TPST1: variants seen among roughly 807,000 people sequenced by gnomAD.
The protein encoded by TPST1 is protein-tyrosine sulfotransferase 1.
Under a neutral mutation model 34.8 loss-of-function variants are expected in TPST1, and 20 were observed. The ratio of observed to expected loss-of-function variants is 0.57; its 90% CI spans 0.40 to 0.84. TPST1 has a LOEUF of 0.84. TPST1 is among the 40% of genes least tolerant of loss of function. The pLI is 0.00. For synonymous variants in TPST1, 152 were observed against 159.4 expected (o/e 0.95, Z 0.35); for missense variants, 353 against 455.5 (o/e 0.78, Z 2.05).
intron 2 of TPST1, among the ~76,000 whole-genome samples, chr7:66,271,344 A>G (rs1790700808): frequency 6.6e-6 from 1 of 152,126 alleles, no homozygotes; most frequent in African/African-American, 2.4e-5. Context: ...ACGCCCGGCT[A>G]ATTTTTGTAT....
intron 1 of TPST1, among the ~76,000 whole-genome samples, chr7:66,209,637 G>A (rs1436106425): frequency 1.3e-5 from 2 of 152,074 alleles, no homozygotes; most frequent in African/African-American, 2.4e-5. Flanking sequence ...CAGGCTTCTG[G>A]TTATCTCTGC....
intron 3 of TPST1, among the ~76,000 whole-genome samples, chr7:66,327,025 A>G (rs1449548524): frequency 2.0e-5 from 3 of 152,210 alleles, no homozygotes; most frequent in Non-Finnish European, 1.5e-5. Context: ...TGTTTTAGAG[A>G]TAATGAGCAT....
At chr7:66,307,371 G>T (rs1156418636) in intron 3 of TPST1, among the ~76,000 whole-genome samples, 1 of 149,600 alleles carries the variant, frequency 6.7e-6, no homozygotes, top group Non-Finnish European at 1.5e-5. Flanking sequence ...GCCCGCCTCG[G>T]CCTCCCAAAG....
At chr7:66,268,600 T>C (rs994598564) in intron 2 of TPST1, among the ~76,000 whole-genome samples, 1 of 152,156 alleles carries the variant, frequency 6.6e-6, no homozygotes, top group African/African-American at 2.4e-5. Flanking sequence ...AATCAATTCT[T>C]TGGGATGGTC....
chr7:66,280,457 T>C (rs1790910390), intron 2 of TPST1, among the ~76,000 whole-genome samples: 1 of 152,242 alleles, frequency 6.6e-6, no homozygotes, highest in African/African-American at 2.4e-5. Flanking sequence ...GCTATTTTTG[T>C]ACAATGATTT....
chr7:66,279,271 T>C (rs1790884868), intron 2 of TPST1, among the ~76,000 whole-genome samples: 1 of 152,232 alleles, frequency 6.6e-6, no homozygotes, highest in African/African-American at 2.4e-5. Flanking sequence ...TTTCATTTTT[T>C]TATAGCTGTG....
At chr7:66,279,825 C>G (rs1790897295) in intron 2 of TPST1, among the ~76,000 whole-genome samples, 1 of 152,152 alleles carries the variant, frequency 6.6e-6, no homozygotes, top group Admixed American at 6.5e-5. Flanking sequence ...TAAATAGTAC[C>G]TTACAATCCT....
At chr7:66,352,929 T>C (rs914952131) in intron 4 of TPST1, 5 of 985,442 alleles carry the variant, frequency 5.1e-6, no homozygotes, top group Non-Finnish European at 6.0e-6. Flanking sequence ...CTCTGTGTAC[T>C]GTACATCCTT....
chr7:66,352,904 C>T, intron 4 of TPST1: 1 of 985,440 alleles, frequency 1.0e-6, no homozygotes, highest in Non-Finnish European at 1.2e-6. Flanking sequence ...TGTTCAGCGA[C>T]CCTCTCTGTT....
At chr7:66,325,445 A>C (rs1371487545) in intron 3 of TPST1, among the ~76,000 whole-genome samples, 1 of 151,956 alleles carries the variant, frequency 6.6e-6, no homozygotes, top group Non-Finnish European at 1.5e-5. Context: ...GTAATTAAGC[A>C]AAAGAGAATA....
At chr7:66,219,475 A>G (rs764280339) in intron 1 of TPST1, among the ~76,000 whole-genome samples, 1 of 152,170 alleles carries the variant, frequency 6.6e-6, no homozygotes, top group Non-Finnish European at 1.5e-5. Flanking sequence ...CCCAGATGAA[A>G]TCTTCAGGGA....
rs577967597 is a variant in TPST1 at position 66,314,006 on chromosome 7, A to G, written c.1044+27297A>G. 7.9e-5 allele frequency among the ~76,000 whole-genome samples: 12 copies of G among 152,114 alleles called. No homozygotes were observed. The South Asian group carries it at 2.5e-3, about 32-fold the overall frequency. On this transcript the variant is annotated intron_variant, in intron 3 of 5. Transcript: ENST00000304842. ...TTTTTTTGAAGAATGCTGGCAGGTTATTTTACAGTGTTCCTCATTCTGGGT... is the reference window on the plus strand; with the variant it reads ...TTTTTTTGAAGAATGCTGGCAGGTTGTTTTACAGTGTTCCTCATTCTGGGT...
chr7:66,295,257 G>A lies in TPST1; in HGVS notation c.1044+8548G>A, dbSNP rs186230415. 3.9e-5 allele frequency among the ~76,000 whole-genome samples: 6 copies of A among 152,306 alleles called. No homozygotes were observed. In the East Asian group the frequency reaches 1.2e-3, roughly 29 times the overall value. ...CGCCTGTAATCCCAGCATTTTGGGA[G>A]GCTGAGGTGGGTGGATCACTTGAGC... On this transcript the variant is annotated intron_variant, in intron 3 of 5. Transcript: ENST00000304842.
intron 2 of TPST1, among the ~76,000 whole-genome samples, chr7:66,283,829 A>G (rs944737588): frequency 3.3e-5 from 5 of 152,100 alleles, no homozygotes; most frequent in African/African-American, 4.8e-5. Context: ...TTATGATGCT[A>G]TGTATTATGT....
At chr7:66,270,975 C>A (rs1299676979) in intron 2 of TPST1, among the ~76,000 whole-genome samples, 1 of 152,130 alleles carries the variant, frequency 6.6e-6, no homozygotes, top group African/African-American at 2.4e-5. Flanking sequence ...ATATCCTTGC[C>A]TCTATATTTT....
chr7:66,356,281 T>C (rs957344667), intron 4 of TPST1, among the ~76,000 whole-genome samples: 1 of 152,230 alleles, frequency 6.6e-6, no homozygotes, highest in Non-Finnish European at 1.5e-5. Context: ...AGGAGGGTCC[T>C]GAATGCAGAG....
chr7:66,355,639 C>T (rs1018069521), intron 4 of TPST1, among the ~76,000 whole-genome samples: 1 of 151,820 alleles, frequency 6.6e-6, no homozygotes, highest in Admixed American at 6.6e-5. Context: ...GTGGCTCCCA[C>T]CTGTAATCCC....
At chr7:66,283,005 A>G (rs1584205686) in intron 2 of TPST1, among the ~76,000 whole-genome samples, 1 of 152,304 alleles carries the variant, frequency 6.6e-6, no homozygotes, top group African/African-American at 2.4e-5. Flanking sequence ...ACGGTGGCTC[A>G]TGCCTGTAGT....
chr7:66,286,466 T>C (rs1418548994), intron 2 of TPST1, 45 bp from the exon 3 acceptor site: 1 of 1,375,226 alleles, frequency 7.3e-7, no homozygotes, highest in East Asian at 2.8e-5. Flanking sequence ...CATGATTTTC[T>C]AAAAAATTTT....
Sources: gnomAD v4.1 joint callset for allele counts (sites outside exome capture counted in the v4.1 genomes callset) on GRCh38, gnomAD v4.1.1 for gene constraint, MANE v1.5 for transcripts, NCBI Gene and HGNC (gene_info 2026-07-23, HGNC 2026-07-21) for gene names.